The following ANKRD10 variants were observed in gnomAD, a reference collection of about 807,000 sequenced individuals.
ANKRD10 encodes ankyrin repeat domain 10.
In ANKRD10, 14 loss-of-function variants were observed where a neutral mutation model predicts 27.0. The observed-to-expected ratio is 0.52, with a 90% CI of 0.34 to 0.81. The LOEUF (loss-of-function observed/expected upper bound fraction) is 0.81. Among genes scored for constraint, ANKRD10 ranks in the 40% least tolerant of loss-of-function variants. The pLI is 0.01. For missense variants in ANKRD10, 493 were observed against 544.0 expected (o/e 0.91, Z 0.93); for synonymous variants, 250 against 224.5 (o/e 1.11, Z -1.01).
intron 2 of ANKRD10, among the ~76,000 whole-genome samples, chr13:110,909,450 ACAGAGCAG>A (rs1654125789): frequency 6.6e-6 from 1 of 152,188 alleles, no homozygotes; most frequent in African/African-American, 2.4e-5. Context: ...AAGACAAGCA[ACAGAGCAG>A]CAGAGAAATA....
chr13:110,880,269 T>C (rs1164057724), intron 5 of ANKRD10, among the ~76,000 whole-genome samples, 157 bp from the exon 6 acceptor site: 1 of 152,220 alleles, frequency 6.6e-6, no homozygotes, highest in Non-Finnish European at 1.5e-5. Flanking sequence ...TGTGCATAAG[T>C]AGACTTACTA....
intron 3 of ANKRD10, among the ~76,000 whole-genome samples, chr13:110,901,961 G>A (rs2065393707): frequency 6.6e-6 from 1 of 150,878 alleles, no homozygotes; most frequent in Non-Finnish European, 1.5e-5. Context: ...GAGGATCACT[G>A]GAGCCCAGGA....
chr13:110,902,434 C>A (rs574023038), intron 3 of ANKRD10, among the ~76,000 whole-genome samples: 1 of 152,060 alleles, frequency 6.6e-6, no homozygotes, highest in Non-Finnish European at 1.5e-5. Context: ...ATTAAAATTT[C>A]TTTTAATTAA....
intron 1 of ANKRD10, 194 bp downstream of exon 1, chr13:110,914,531 G>A (rs375453931): frequency 2.8e-6 from 2 of 703,088 alleles, no homozygotes; most frequent in South Asian, 7.0e-5. Context: ...CGCGCCCCCC[G>A]GCTGCCCCGC....
chr13:110,908,238 A>G (rs988492168), intron 2 of ANKRD10, among the ~76,000 whole-genome samples: 4 of 152,192 alleles, frequency 2.6e-5, no homozygotes, highest in African/African-American at 9.7e-5. Context: ...TCCAATCTAG[A>G]TATGAAAAAT....
chr13:110,879,566 G>A lies in ANKRD10; in HGVS notation c.*71C>T. On this transcript the variant is annotated 3_prime_UTR_variant, in exon 6 of 6. Coordinates refer to ENST00000267339, the MANE Select transcript of ANKRD10 (RefSeq NM_017664.4). ...ACAAGTTGTGACATTCGTTCAAGTT[G>A]CTGCTACATGGGTATTCTGAGCTGG... The A allele has an allele frequency of 1.7e-6, 2 of 1,157,496 alleles. No homozygotes were observed. Among genetic ancestry groups the A allele is most frequent in the Admixed American group, 4.5e-5 (2 of 44,550 alleles). The allele number at this position is 1,157,496 out of a possible 1,614,324, so 71.7% of individuals were successfully genotyped here. A position where few individuals can be genotyped will look rare whatever the true frequency, so the allele number is the denominator to read the frequency against.
At chr13:110,906,305 G>A (rs1566489001) in intron 2 of ANKRD10, among the ~76,000 whole-genome samples, 181 bp from the exon 3 acceptor site, 1 of 152,134 alleles carries the variant, frequency 6.6e-6, no homozygotes, top group Non-Finnish European at 1.5e-5. Context: ...GAACGAACCA[G>A]GAGGGGCCAA....
Position 110,915,037 on chromosome 13 carries a change from G to T in ANKRD10, c.-103C>A, listed in dbSNP as rs1425279951. The T allele has an allele frequency of 7.0e-7, 1 of 1,438,490 alleles. No homozygotes were observed. Among genetic ancestry groups the T allele is most frequent in the Non-Finnish European group, 9.1e-7 (1 of 1,100,972 alleles). 89.1% of individuals were successfully genotyped at this position (1,438,490 alleles called of 1,614,324 possible). The stretch of plus-strand genomic sequence containing the variant: ...ACAAAGGAACGAGACTAGCGCCGCG[G>T]TCGCGTCCCACAGGCTGCCGAGCGG... On this transcript the variant is annotated 5_prime_UTR_variant, in exon 1 of 6. Coordinates refer to ENST00000267339, the MANE Select transcript of ANKRD10 (RefSeq NM_017664.4).
intron 5 of ANKRD10, among the ~76,000 whole-genome samples, chr13:110,881,806 A>G (rs2064824772): frequency 6.6e-6 from 1 of 152,198 alleles, no homozygotes; most frequent in South Asian, 2.1e-4. Flanking sequence ...AATCTGTTCA[A>G]TTATTTAATC....
intron 4 of ANKRD10, among the ~76,000 whole-genome samples, chr13:110,886,375 A>C (rs189891556): frequency 6.6e-6 from 1 of 152,196 alleles, no homozygotes; most frequent in African/African-American, 2.4e-5. Context: ...ACCAATCAAG[A>C]TTCTATTGTG....
chr13:110,891,367 A>G (rs2065067971), intron 4 of ANKRD10, among the ~76,000 whole-genome samples: 1 of 152,234 alleles, frequency 6.6e-6, no homozygotes, highest in African/African-American at 2.4e-5. Context: ...TGAATACATC[A>G]CCATTAAAAA....
chr13:110,880,192 C>A, intron 5 of ANKRD10, 80 bp from the exon 6 acceptor site: 1 of 1,198,394 alleles, frequency 8.3e-7, no homozygotes, highest in South Asian at 1.6e-5. Context: ...ACTGCCATTA[C>A]AATTTTAAAG....
chr13:110,902,049 G>GAAAAA (rs10656736), intron 3 of ANKRD10, among the ~76,000 whole-genome samples: 138 of 115,300 alleles, frequency 1.2e-3, no homozygotes, highest in African/African-American at 2.1e-3. Context: ...TCTCTTTTTA[G>GAAAAA]AAAAAAAAAA....
chr13:110,890,149 C>CA (rs2065036791), intron 4 of ANKRD10, among the ~76,000 whole-genome samples: 1 of 151,936 alleles, frequency 6.6e-6, no homozygotes. Context: ...AACAAGATGC[C>CA]AGAAATTACA....
At chr13:110,914,406 G>T in intron 1 of ANKRD10, 1 of 207,672 alleles carries the variant, frequency 4.8e-6, no homozygotes, top group East Asian at 1.0e-4. Context: ...ACAGGATCCG[G>T]CCAACAGGCG....
chr13:110,913,079 T>C lies in ANKRD10; in HGVS notation c.210+1646A>G, dbSNP rs556095056. On this transcript the variant is annotated intron_variant, in intron 1 of 5. Coordinates refer to ENST00000267339, the MANE Select transcript of ANKRD10 (RefSeq NM_017664.4). ...CTGTGATAAAATACACATTAAAAATTACCATTTTAAAGTAACTATTTTAAT... is the reference window on the plus strand; with the variant it reads ...CTGTGATAAAATACACATTAAAAATCACCATTTTAAAGTAACTATTTTAAT... Among the ~76,000 whole-genome samples, 37 of 152,346 alleles carry C rather than the reference T, an allele frequency of 2.4e-4. No individual in the cohort carries two copies. In the South Asian group the frequency reaches 6.8e-3, roughly 28 times the overall value.
rs2064861516 is a variant in ANKRD10, at chr13:110,883,743, C to T, written c.742G>A (p.Asp248Asn). 1 of 1,614,188 alleles carries T rather than the reference C, an allele frequency of 6.2e-7. No homozygotes were observed. The highest frequency in any genetic ancestry group is 8.5e-7 in the Non-Finnish European group (1 of 1,180,024). The change falls in exon 5 of 6, where the codon GAT becomes AAT. Residue 248 changes from aspartate to asparagine, a missense_variant. By Grantham distance (23) the Asp-to-Asn change is conservative (BLOSUM62 1). Coordinates refer to ENST00000267339, the MANE Select transcript of ANKRD10 (RefSeq NM_017664.4). ...VPLTNGDTED[D>N]ADKMHVDREF... ...CTATCAACGTGCATTTTGTCAGCAT[C>T]GTCTTCTGTGTCGCCATTCGTGAGT...
At position 110,893,099 on chromosome 13, in the gene ANKRD10, CTAA is replaced by C; in HGVS notation, c.617_619del (p.Ile206del). 1 of 1,614,234 alleles carries C rather than the reference CTAA, an allele frequency of 6.2e-7. No homozygotes were observed. Among genetic ancestry groups the C allele is most frequent in the Non-Finnish European group, 8.5e-7 (1 of 1,180,044 alleles). On this transcript the variant is annotated inframe_deletion, in exon 4 of 6. Transcript: ENST00000267339. ...GCATCTCTTTCGATTTGTTCCCACA[CTAA>C]TATGATTAGGAAATACATTCTGATG...
chr13:110,906,437 A>G (rs1007120705), intron 2 of ANKRD10, among the ~76,000 whole-genome samples: 4 of 149,756 alleles, frequency 2.7e-5, no homozygotes, highest in Admixed American at 6.7e-5. Context: ...ATATAAACCC[A>G]GAATAAGTAA....
Sources: gnomAD v4.1 joint callset for allele counts (sites outside exome capture counted in the v4.1 genomes callset) on GRCh38, gnomAD v4.1.1 for gene constraint, MANE v1.5 for transcripts, NCBI Gene and HGNC (gene_info 2026-07-23, HGNC 2026-07-21) for gene names.